NTRK3: variants seen among roughly 807,000 people sequenced by gnomAD.
NTRK3 encodes NT-3 growth factor receptor.
In NTRK3, 24 loss-of-function variants were observed where a neutral mutation model predicts 91.7. The observed-to-expected ratio is 0.26, with a 90% CI of 0.19 to 0.37. The LOEUF (loss-of-function observed/expected upper bound fraction) is 0.37. Among genes scored for constraint, NTRK3 ranks in the 10% least tolerant of loss-of-function variants. NTRK3 has a pLI of 1.00. For synonymous variants in NTRK3, 483 were observed against 404.0 expected, an observed-to-expected ratio of 1.20 and a Z score of -2.34; for missense variants, 880 against 1,068.9, an observed-to-expected ratio of 0.82 and a Z score of 2.46.
intron 13 of NTRK3, among the ~76,000 whole-genome samples, chr15:88,079,224 C>T (rs2047830695): frequency 6.6e-6 from 1 of 152,154 alleles, no homozygotes; most frequent in Non-Finnish European, 1.5e-5. Flanking sequence ...AACAAAGAGA[C>T]TGGGATTAGA....
chr15:87,969,064 A>G (rs1363559502), intron 14 of NTRK3, among the ~76,000 whole-genome samples: 1 of 152,146 alleles, frequency 6.6e-6, no homozygotes, highest in African/African-American at 2.4e-5. Context: ...TTTGAACACA[A>G]TGGAATTATC....
At chr15:88,214,374 C>A (rs1004301767) in intron 3 of NTRK3, among the ~76,000 whole-genome samples, 5 of 152,160 alleles carry the variant, frequency 3.3e-5, no homozygotes, top group African/African-American at 1.2e-4. Flanking sequence ...ATCTCTACTC[C>A]ATCTTCACAA....
chr15:87,912,728 C>T (rs2067161476), intron 17 of NTRK3, among the ~76,000 whole-genome samples: 1 of 151,700 alleles, frequency 6.6e-6, no homozygotes, highest in Admixed American at 6.6e-5. Flanking sequence ...CACAAGATTG[C>T]CAGTGTAGAT....
intron 14 of NTRK3, 96 bp downstream of exon 14, chr15:88,032,760 CA>C: frequency 7.4e-7 from 1 of 1,345,532 alleles, no homozygotes; most frequent in Non-Finnish European, 1.0e-6. Context: ...TGGCAGGTAG[CA>C]GGTCACCCTA....
intron 4 of NTRK3, 75 bp downstream of exon 4, chr15:88,184,150 C>G: frequency 6.8e-7 from 1 of 1,469,590 alleles, no homozygotes; most frequent in South Asian, 1.2e-5. Context: ...GCCCCTCACG[C>G]CACCCCAGAA....
chr15:88,131,985 CAT>C (rs1457734155), intron 10 of NTRK3: 5 of 202,776 alleles, frequency 2.5e-5, no homozygotes, highest in African/African-American at 9.1e-5. Flanking sequence ...AGGGAATACA[CAT>C]GTCTCCTACA....
At chr15:88,114,173 G>C (rs888685861) in intron 13 of NTRK3, among the ~76,000 whole-genome samples, 1 of 152,136 alleles carries the variant, frequency 6.6e-6, no homozygotes, top group Non-Finnish European at 1.5e-5. Context: ...CTGGGTGGGG[G>C]AATGAGTCAG....
intron 13 of NTRK3, among the ~76,000 whole-genome samples, chr15:88,081,850 G>C (rs1233588660): frequency 6.6e-6 from 1 of 152,182 alleles, no homozygotes; most frequent in Non-Finnish European, 1.5e-5. Flanking sequence ...ATGAGGCTGA[G>C]GCCATTCGAT....
At chr15:88,202,241 C>T (rs2048368058) in intron 3 of NTRK3, among the ~76,000 whole-genome samples, 1 of 152,144 alleles carries the variant, frequency 6.6e-6, no homozygotes, top group Non-Finnish European at 1.5e-5. Context: ...TTTTTCTCCA[C>T]CAGCCTGTAT....
chr15:87,865,768 C>G, exon 19 of NTRK3: 1 of 226,888 alleles, frequency 4.4e-6, no homozygotes, highest in Non-Finnish European at 8.8e-6. Flanking sequence ...GAGTTCCAAG[C>G]CTGAAAACAA....
chr15:87,981,692 G>C (rs920658856), intron 14 of NTRK3, among the ~76,000 whole-genome samples: 4 of 152,266 alleles, frequency 2.6e-5, no homozygotes, highest in African/African-American at 9.6e-5. Flanking sequence ...TCAAAATGGT[G>C]CCCATCATTG....
At chr15:88,207,179 G>C (rs935890389) in intron 3 of NTRK3, among the ~76,000 whole-genome samples, 2 of 152,164 alleles carry the variant, frequency 1.3e-5, no homozygotes, top group African/African-American at 2.4e-5. Context: ...ACCCTAACAG[G>C]CTGGTTTCAT....
chr15:88,164,761 T>C (rs975648896), intron 5 of NTRK3, among the ~76,000 whole-genome samples: 1 of 152,180 alleles, frequency 6.6e-6, no homozygotes, highest in Non-Finnish European at 1.5e-5. Flanking sequence ...CTCTGCCCCC[T>C]CTCTGTTACT....
At chr15:88,137,513 C>T in exon 7 of NTRK3, 9 of 1,614,202 alleles carry the variant, frequency 5.6e-6, no homozygotes, top group Non-Finnish European at 7.6e-6. Context: ...GCCAGAGCTG[C>T]ATCCAGCGGA....
chr15:87,952,916 T>G (rs1198351199), intron 14 of NTRK3, among the ~76,000 whole-genome samples: 1 of 149,918 alleles, frequency 6.7e-6, no homozygotes, highest in Non-Finnish European at 1.5e-5. Context: ...GGGAACAAGG[T>G]CGGAGGCCAG....
intron 14 of NTRK3, chr15:87,981,207 G>T: frequency 6.4e-7 from 1 of 1,561,032 alleles, no homozygotes; most frequent in Non-Finnish European, 8.7e-7. Context: ...ATACAAAGAC[G>T]TCAAAGGAGG....
At chr15:88,248,385 C>A (rs900590365) in intron 3 of NTRK3, among the ~76,000 whole-genome samples, 1 of 152,202 alleles carries the variant, frequency 6.6e-6, no homozygotes, top group Non-Finnish European at 1.5e-5. Flanking sequence ...CCATAATTAT[C>A]CTATGTGCCT....
At chr15:88,106,910 G>A (rs1038139597) in intron 13 of NTRK3, among the ~76,000 whole-genome samples, 2 of 151,090 alleles carry the variant, frequency 1.3e-5, no homozygotes, top group Non-Finnish European at 2.9e-5. Context: ...TCCAACCTGG[G>A]AGACAGAGCA....
rs1406233095 is a variant in NTRK3, at chr15:88,230,435, G to A, written c.248+25471C>T. Among the ~76,000 whole-genome samples the A allele has an allele frequency of 2.0e-5, 3 of 152,176 alleles. No individual in the cohort carries two copies. The East Asian group carries it at 5.8e-4, about 29-fold the overall frequency. On this transcript the variant is annotated intron_variant, in intron 3 of 18. Transcript: ENST00000394480. ...CGCGGAAAGCTGACTATTGCAAGAA[G>A]GGCCCTGTTTGCCCCCTAACAGGCA...
Sources: allele counts gnomAD v4.1 joint callset (sites outside exome capture counted in the v4.1 genomes callset), GRCh38; gene constraint gnomAD v4.1.1; transcripts MANE v1.5; gene names NCBI Gene and HGNC (gene_info 2026-07-23, HGNC 2026-07-21).